Variants in RHBDL2 observed in about 807,000 individuals in gnomAD.
The protein encoded by RHBDL2 is rhomboid-related protein 2.
In RHBDL2, 26 loss-of-function variants were observed where a neutral mutation model predicts 31.7. The observed-to-expected ratio is 0.82, with a 90% CI of 0.60 to 1.14. The LOEUF is 1.14. RHBDL2 is among the 50% of genes most tolerant of loss of function. RHBDL2 has a pLI of 0.00. For synonymous variants in RHBDL2, 123 were observed against 127.2 expected (o/e 0.97, Z 0.22); for missense variants, 336 against 364.4 (o/e 0.92, Z 0.63).
At chr1:38,927,198 CG>C (rs1643387648) in intron 1 of RHBDL2, among the ~76,000 whole-genome samples, 2 of 152,086 alleles carry the variant, frequency 1.3e-5, no homozygotes, top group Non-Finnish European at 2.9e-5. Flanking sequence ...AAGGCCAAGG[CG>C]GGTGGATCAC....
At chr1:38,907,590 T>C (rs1466484779) in intron 4 of RHBDL2, among the ~76,000 whole-genome samples, 1 of 146,012 alleles carries the variant, frequency 6.8e-6, no homozygotes, top group South Asian at 2.2e-4. Context: ...GCATAAGGCC[T>C]GGTGCAGTGG....
At chr1:38,907,167 C>G (rs959735500) in intron 4 of RHBDL2, among the ~76,000 whole-genome samples, 3 of 152,270 alleles carry the variant, frequency 2.0e-5, no homozygotes, top group African/African-American at 4.8e-5. Flanking sequence ...AAATTCCTTT[C>G]AACGAATTAT....
chr1:38,927,031 AG>A (rs1643385463), intron 1 of RHBDL2: 1 of 152,266 alleles, frequency 6.6e-6, no homozygotes, highest in South Asian at 2.1e-4. Context: ...TCTGGAAGAA[AG>A]GGAGGGAAAG....
chr1:38,908,681 T>G (rs559788989), intron 4 of RHBDL2, among the ~76,000 whole-genome samples: 158 of 152,234 alleles, frequency 1.0e-3, no homozygotes, highest in African/African-American at 3.3e-3. Context: ...ACGGGCAGGC[T>G]GTGGGGTTCT....
chr1:38,887,152 A>G (rs926981862), intron 7 of RHBDL2, among the ~76,000 whole-genome samples: 1 of 152,148 alleles, frequency 6.6e-6, no homozygotes, highest in East Asian at 1.9e-4. Flanking sequence ...AAATTTTGTC[A>G]ATTTTCTTTA....
chr1:38,896,052 T>C lies in RHBDL2; in HGVS notation c.526A>G (p.Ile176Val). ...GVIAGSLASS[I>V]FDPLRYLVGA... The stretch of plus-strand genomic sequence containing the variant: ...ACAAGATATCTGAGTGGGTCAAAGA[T>C]GGAGCTGGCAAGGGACCCTAAAGAA... Residue 176 changes from isoleucine (I) to valine (V), a missense_variant, in exon 5 of 8, where the codon ATC (isoleucine) becomes GTC (valine). Transcript: ENST00000372990. 6.2e-7 allele frequency: 1 copy of C among 1,613,536 alleles called. No homozygotes were observed. The highest frequency in any genetic ancestry group is 2.2e-5 in the East Asian group (1 of 44,868).
intron 1 of RHBDL2, among the ~76,000 whole-genome samples, chr1:38,941,118 T>C (rs756702361): frequency 6.6e-6 from 1 of 152,198 alleles, no homozygotes; most frequent in East Asian, 1.9e-4. Context: ...TCCAGGTATA[T>C]GCTCAAACAG....
chr1:38,929,241 A>G (rs1464420133), intron 1 of RHBDL2, among the ~76,000 whole-genome samples: 1 of 152,158 alleles, frequency 6.6e-6, no homozygotes, highest in East Asian at 1.9e-4. Context: ...CGGAAGCTGT[A>G]GAGGAAGTGG....
At chr1:38,891,231 A>G (rs1332114134) in intron 6 of RHBDL2, among the ~76,000 whole-genome samples, 1 of 139,054 alleles carries the variant, frequency 7.2e-6, no homozygotes, top group Non-Finnish European at 1.5e-5. Context: ...ACTACACTCC[A>G]GCCTGGGCAA....
intron 4 of RHBDL2, among the ~76,000 whole-genome samples, chr1:38,901,664 C>T (rs1290549672): frequency 1.3e-5 from 2 of 151,178 alleles, no homozygotes; most frequent in Non-Finnish European, 1.5e-5. Flanking sequence ...GGTGAAACCC[C>T]GTCTCTACTA....
At chr1:38,941,557 C>G (rs1355913675) in intron 1 of RHBDL2, 125 bp downstream of exon 1, 1 of 152,334 alleles carries the variant, frequency 6.6e-6, no homozygotes, top group Non-Finnish European at 1.5e-5. Context: ...GGGGGGTTAC[C>G]AGCGAAGCAC....
intron 1 of RHBDL2, among the ~76,000 whole-genome samples, chr1:38,930,877 A>C (rs1346987726): frequency 6.6e-6 from 1 of 152,194 alleles, no homozygotes; most frequent in South Asian, 2.1e-4. Context: ...ATAATGACCA[A>C]CTGTCTGGTT....
At chr1:38,913,235 C>T (rs1643181612) in intron 3 of RHBDL2, among the ~76,000 whole-genome samples, 1 of 151,890 alleles carries the variant, frequency 6.6e-6, no homozygotes, top group Non-Finnish European at 1.5e-5. Context: ...ACCTCAGCTT[C>T]CCAAACTGCT....
intron 4 of RHBDL2, among the ~76,000 whole-genome samples, chr1:38,907,170 C>T (rs529993686): frequency 1.1e-4 from 16 of 152,302 alleles, no homozygotes; most frequent in South Asian, 1.0e-3. Flanking sequence ...TTCCTTTCAA[C>T]GAATTATTCT....
At chr1:38,901,679 T>C (rs1417625047) in intron 4 of RHBDL2, among the ~76,000 whole-genome samples, 1 of 151,198 alleles carries the variant, frequency 6.6e-6, no homozygotes, top group Non-Finnish European at 1.5e-5. Flanking sequence ...CTACTAAAAA[T>C]GCAAAAATTA....
chr1:38,895,685 T>C (rs1642909455), intron 5 of RHBDL2, among the ~76,000 whole-genome samples: 2 of 151,986 alleles, frequency 1.3e-5, no homozygotes, highest in Admixed American at 6.6e-5. Flanking sequence ...ACACCTGTAG[T>C]CCCAGCTATT....
At chr1:38,933,074 T>A (rs375832153) in intron 1 of RHBDL2, among the ~76,000 whole-genome samples, 1 of 152,196 alleles carries the variant, frequency 6.6e-6, no homozygotes, top group African/African-American at 2.4e-5. Flanking sequence ...GGGATAGATA[T>A]AGGATCCTAA....
intron 7 of RHBDL2, among the ~76,000 whole-genome samples, chr1:38,887,018 C>T (rs1255939618): frequency 6.6e-6 from 1 of 152,168 alleles, no homozygotes; most frequent in Non-Finnish European, 1.5e-5. Flanking sequence ...TGAGGGATCT[C>T]TATAGCAGCA....
intron 1 of RHBDL2, chr1:38,929,479 T>C (rs953994294): frequency 7.8e-7 from 1 of 1,289,354 alleles, no homozygotes; most frequent in Non-Finnish European, 1.0e-6. Context: ...ACACTTTTAG[T>C]TGTGAGCTTG....
Sources: gnomAD v4.1 joint callset for allele counts (sites outside exome capture counted in the v4.1 genomes callset) on GRCh38, gnomAD v4.1.1 for gene constraint, MANE v1.5 for transcripts, NCBI Gene and HGNC (gene_info 2026-07-23, HGNC 2026-07-21) for gene names.